Variants in LINGO2 observed in about 807,000 individuals in gnomAD.
LINGO2 encodes the protein leucine-rich repeat and immunoglobulin-like domain-containing nogo receptor-interacting protein 2.
A neutral mutation model predicts 30.6 loss-of-function variants in LINGO2; 14 were observed. The observed-to-expected ratio is 0.46, with a 90% CI of 0.30 to 0.72. The LOEUF (loss-of-function observed/expected upper bound fraction) is 0.72, where lower values mean the gene tolerates loss of function less well. Ranked by LOEUF, LINGO2 falls within the 30% of genes least tolerant of loss-of-function variation. The pLI is 0.07. For synonymous variants in LINGO2, 317 were observed against 288.5 expected (o/e 1.10, Z -1.00); for missense variants, 729 against 751.7 (o/e 0.97, Z 0.35).
chr9:28,468,230 C>T (rs943300128), intron 2 of LINGO2, among the ~76,000 whole-genome samples: 2 of 152,146 alleles, frequency 1.3e-5, no homozygotes, highest in African/African-American at 4.8e-5. Context: ...CATTCTTTAT[C>T]CTATGTTGTG....
chr9:28,235,854 T>C (rs1352541616), intron 4 of LINGO2, among the ~76,000 whole-genome samples: 3 of 151,948 alleles, frequency 2.0e-5, no homozygotes, highest in Non-Finnish European at 4.4e-5. Flanking sequence ...AAAGGGCAAA[T>C]GTAAGAGTTA....
chr9:28,035,986 T>C (rs769050399), intron 4 of LINGO2, among the ~76,000 whole-genome samples: 2 of 152,148 alleles, frequency 1.3e-5, no homozygotes, highest in East Asian at 3.9e-4. Flanking sequence ...GCCTCTACTT[T>C]TAAAAAATTA....
the LINGO2 span, among the ~76,000 whole-genome samples, chr9:29,195,422 G>A: frequency 1.3e-5 from 2 of 151,806 alleles, no homozygotes; most frequent in Non-Finnish European, 2.9e-5. Context: ...TCCAATTTCT[G>A]GGTCATACAT....
chr9:28,230,383 T>C (rs1821315554), intron 4 of LINGO2, among the ~76,000 whole-genome samples: 1 of 151,922 alleles, frequency 6.6e-6, no homozygotes, highest in African/African-American at 2.4e-5. Flanking sequence ...ATGTCATCTT[T>C]ATCATACATG....
the LINGO2 span, among the ~76,000 whole-genome samples, chr9:28,873,429 A>G: frequency 1.3e-5 from 2 of 151,930 alleles, no homozygotes; most frequent in Admixed American, 1.3e-4. Flanking sequence ...CTAATTCATT[A>G]CAACTACCAA....
At chr9:28,920,053 A>T in the LINGO2 span, among the ~76,000 whole-genome samples, 3 of 152,274 alleles carry the variant, frequency 2.0e-5, no homozygotes, top group East Asian at 5.8e-4. Flanking sequence ...TTATAAAATC[A>T]ATTACTGCTA....
the LINGO2 span, among the ~76,000 whole-genome samples, chr9:29,190,875 T>A: frequency 3.0e-4 from 46 of 152,308 alleles, no homozygotes; most frequent in African/African-American, 1.1e-3. Context: ...TATGATGTGA[T>A]TTCCAGTGCT....
chr9:29,156,324 T>G, the LINGO2 span, among the ~76,000 whole-genome samples: 8 of 152,120 alleles, frequency 5.3e-5, no homozygotes, highest in Non-Finnish European at 1.0e-4. Flanking sequence ...GGCTTTTATG[T>G]GCATCCCTAA....
the LINGO2 span, among the ~76,000 whole-genome samples, chr9:28,984,601 T>C: frequency 6.6e-6 from 1 of 152,022 alleles, no homozygotes; most frequent in Non-Finnish European, 1.5e-5. Context: ...ATAAAATGAA[T>C]GACAGATACT....
At chr9:28,992,685 A>C in the LINGO2 span, among the ~76,000 whole-genome samples, 35 of 152,314 alleles carry the variant, frequency 2.3e-4, no homozygotes, top group East Asian at 6.6e-3. Context: ...CAGTGCAATC[A>C]AACTAGAACT....
chr9:28,431,029 T>TGTGAGAGAGAGAGAGA (rs1823650344), intron 2 of LINGO2, among the ~76,000 whole-genome samples: 1 of 129,358 alleles, frequency 7.7e-6, no homozygotes, highest in Non-Finnish European at 1.6e-5. Context: ...GCATGAGTGA[T>TGTGAGAGAGAGAGAGA]GAGAGAGAGA....
At chr9:28,210,100 TA>T (rs1243160023) in intron 4 of LINGO2, among the ~76,000 whole-genome samples, 2 of 151,762 alleles carry the variant, frequency 1.3e-5, no homozygotes, top group Admixed American at 6.6e-5. Context: ...CTGCCATGAG[TA>T]ATTCACATTG....
chr9:28,203,863 A>G (rs1004502456), intron 4 of LINGO2, among the ~76,000 whole-genome samples: 1 of 152,094 alleles, frequency 6.6e-6, no homozygotes, highest in Admixed American at 6.6e-5. Context: ...TAAAAAGCAA[A>G]CCCAAAAATG....
intron 1 of LINGO2, among the ~76,000 whole-genome samples, chr9:28,594,303 A>G (rs1205428319): frequency 1.3e-5 from 2 of 152,098 alleles, no homozygotes; most frequent in Non-Finnish European, 2.9e-5. Flanking sequence ...GTAATTTTCT[A>G]AAGTATACAG....
the LINGO2 span, among the ~76,000 whole-genome samples, chr9:28,716,952 G>A: frequency 6.6e-6 from 1 of 151,932 alleles, no homozygotes; most frequent in Admixed American, 6.6e-5. Context: ...GGGTATCATA[G>A]TGCAAATATA....
intron 3 of LINGO2, among the ~76,000 whole-genome samples, chr9:28,319,313 A>C (rs1267806218): frequency 2.6e-5 from 4 of 152,158 alleles, no homozygotes; most frequent in African/African-American, 9.7e-5. Context: ...CAGTCTTCTA[A>C]TCTCTGCTCC....
At chr9:28,797,359 T>TATAGAGAGAGAGAGAGAG in the LINGO2 span, among the ~76,000 whole-genome samples, 27 of 34,212 alleles carry the variant, frequency 7.9e-4, no homozygotes, top group East Asian at 4.8e-3. Flanking sequence ...TATATATATA[T>TATAGAGAGAGAGAGAGAG]AGAGAGAGAG....
intron 1 of LINGO2, among the ~76,000 whole-genome samples, chr9:28,545,516 A>T (rs1036635185): frequency 5.3e-5 from 8 of 152,176 alleles, no homozygotes; most frequent in Admixed American, 3.9e-4. Flanking sequence ...ACTATAATAT[A>T]TGGGAAGGTA....
At chr9:28,641,334 C>G (rs534924718) in intron 1 of LINGO2, among the ~76,000 whole-genome samples, 1 of 152,210 alleles carries the variant, frequency 6.6e-6, no homozygotes, top group South Asian at 2.1e-4. Flanking sequence ...CCGCGCCCGG[C>G]CTCAGAGGTT....
Sources: gnomAD v4.1 joint callset for allele counts (sites outside exome capture counted in the v4.1 genomes callset) on GRCh38, gnomAD v4.1.1 for gene constraint, MANE v1.5 for transcripts, NCBI Gene and HGNC (gene_info 2026-07-23, HGNC 2026-07-21) for gene names.